Variants in DIP2A observed in about 807,000 individuals in gnomAD.
The protein encoded by DIP2A is DIP2 acetate--CoA ligase A.
Under a neutral mutation model 177.4 loss-of-function variants are expected in DIP2A, and 85 were observed. That is an observed-to-expected ratio of 0.48 (90% confidence interval 0.40 to 0.57). The LOEUF (loss-of-function observed/expected upper bound fraction) is 0.57, where lower values mean the gene tolerates loss of function less well. DIP2A is among the 20% of genes least tolerant of loss of function. The pLI is 0.00. For synonymous variants in DIP2A, 886 were observed against 881.8 expected (o/e 1.00, Z -0.08); for missense variants, 1,791 against 2,100.2 (o/e 0.85, Z 2.88).
chr21:46,465,303 C>T (rs1473534620), intron 1 of DIP2A, among the ~76,000 whole-genome samples: 1 of 152,130 alleles, frequency 6.6e-6, no homozygotes, highest in East Asian at 1.9e-4. Context: ...CATGGTGGCT[C>T]ACTCCTGTAA....
chr21:46,475,741 G>T (rs943419086), intron 1 of DIP2A, among the ~76,000 whole-genome samples: 1 of 151,804 alleles, frequency 6.6e-6, no homozygotes, highest in African/African-American at 2.4e-5. Flanking sequence ...AACCATTATA[G>T]AGAGAGATGA....
Position 46,561,796 on chromosome 21 carries a change from G to A in DIP2A, c.4080G>A (p.Glu1360=), listed in dbSNP as rs746956821. ...RGSPHSLPLM[E]SGKILPGVKV... ...CTCCGCACAGCCTGCCATTGATGGA[G>A]TCTGGAAAGGTAGTGGAAACCAAGA... The change falls in exon 34 of 38, where the codon GAG becomes GAA. Residue 1360 remains glutamate (E), a synonymous_variant. Coordinates refer to ENST00000417564, the MANE Select transcript of DIP2A (RefSeq NM_015151.4). 3 of 1,613,958 alleles carry A rather than the reference G, an allele frequency of 1.9e-6. No homozygotes were observed. Among genetic ancestry groups the A allele is most frequent in the Admixed American group, 3.3e-5 (2 of 60,024 alleles).
At chr21:46,523,393 ATTTTTTTTTTTTTT>A (rs61370008) in intron 8 of DIP2A, among the ~76,000 whole-genome samples, 1 of 89,892 alleles carries the variant, frequency 1.1e-5, no homozygotes, top group South Asian at 4.3e-4. Flanking sequence ...CGCCTGGCTA[ATTTTTTTTTTTTTT>A]TTTTTTTTTT....
At chr21:46,504,853 A>G (rs2057890207) in intron 6 of DIP2A, among the ~76,000 whole-genome samples, 1 of 152,220 alleles carries the variant, frequency 6.6e-6, no homozygotes. Context: ...AGTCAGTGCG[A>G]GTGCACACAC....
chr21:46,485,990 G>T (rs554696481), intron 2 of DIP2A, among the ~76,000 whole-genome samples: 6 of 145,138 alleles, frequency 4.1e-5, no homozygotes, highest in African/African-American at 1.5e-4. Context: ...AGAATCACTT[G>T]AACCTGGGAG....
At chr21:46,492,946 GAA>G (rs75274340) in intron 3 of DIP2A, among the ~76,000 whole-genome samples, 1 of 147,130 alleles carries the variant, frequency 6.8e-6, no homozygotes, top group Non-Finnish European at 1.5e-5. Context: ...AAAAAAGGAA[GAA>G]AAAAAAAAGA....
chr21:46,565,743 G>A lies in DIP2A; in HGVS notation c.4195G>A (p.Gly1399Arg), dbSNP rs747845913. ...GGTAAGCAGCCCCCACAATGCCACC[G>A]GGTACTACACCGTTTACGGGGAGGA... The part of the protein sequence containing the change: ...IWVSSPHNAT[G>R]YYTVYGEEAL... Residue 1399 changes from glycine to arginine, a missense_variant, in exon 36 of 38, where the codon GGG becomes AGG. Physicochemically the swap from Gly to Arg is moderately radical, Grantham distance 125 (BLOSUM62 -2). Transcript: ENST00000417564. 29 of 1,613,794 alleles carry A rather than the reference G, an allele frequency of 1.8e-5. No individual in the cohort carries two copies. The highest frequency in any genetic ancestry group is 2.3e-5 in the Non-Finnish European group (27 of 1,179,864).
intron 6 of DIP2A, among the ~76,000 whole-genome samples, chr21:46,506,621 T>C (rs1264665591): frequency 6.6e-6 from 1 of 152,154 alleles, no homozygotes; most frequent in Non-Finnish European, 1.5e-5. Flanking sequence ...CGGCTGATGG[T>C]GTGTTGAACA....
chr21:46,549,287 A>C (rs1451945845), intron 21 of DIP2A, among the ~76,000 whole-genome samples: 1 of 152,234 alleles, frequency 6.6e-6, no homozygotes, highest in Non-Finnish European at 1.5e-5. Context: ...CAAAGATATC[A>C]ACTCAAAGTC....
intron 7 of DIP2A, among the ~76,000 whole-genome samples, chr21:46,510,740 C>T (rs1193844201): frequency 2.6e-5 from 4 of 151,470 alleles, no homozygotes; most frequent in Admixed American, 6.6e-5. Context: ...ACGCCATTCT[C>T]CTGCCTCAGC....
intron 1 of DIP2A, among the ~76,000 whole-genome samples, chr21:46,471,864 A>T (rs996792763): frequency 7.9e-5 from 12 of 152,234 alleles, no homozygotes; most frequent in Non-Finnish European, 1.8e-4. Context: ...AAAGAATAGA[A>T]ATCCTGTGTC....
chr21:46,472,589 A>G (rs2055488148), intron 1 of DIP2A, among the ~76,000 whole-genome samples: 1 of 152,204 alleles, frequency 6.6e-6, no homozygotes, highest in Admixed American at 6.5e-5. Context: ...AAGAGGGTGG[A>G]GAAGGAGGAG....
rs1359037983 is a variant in DIP2A, at chr21:46,566,854, T to C, written c.4463+171T>C. ...CTGGGTGCCATGTAGATGAGCCCTATCTACCTTGGGCATTGCCAGAGAGGG... is the reference window on the plus strand; with the variant it reads ...CTGGGTGCCATGTAGATGAGCCCTACCTACCTTGGGCATTGCCAGAGAGGG... On this transcript the variant is annotated intron_variant, in intron 37 of 37. Transcript: ENST00000417564. 3.9e-5 allele frequency among the ~76,000 whole-genome samples: 6 copies of C among 152,228 alleles called. No individual in the cohort carries two copies. The East Asian group carries it at 1.2e-3, about 29-fold the overall frequency.
intron 1 of DIP2A, among the ~76,000 whole-genome samples, chr21:46,460,365 A>G (rs1373154254): frequency 1.3e-5 from 2 of 152,230 alleles, no homozygotes; most frequent in Non-Finnish European, 1.5e-5. Context: ...CTCCAGTGTC[A>G]GAAAGGACTT....
At position 46,550,538 on chromosome 21, in the gene DIP2A, T is replaced by TTC; in HGVS notation, c.2638-4_2638-3dup. The TTC allele has an allele frequency of 6.2e-7, 1 of 1,611,098 alleles. No individual in the cohort carries two copies. Among genetic ancestry groups the TTC allele is most frequent in the South Asian group, 1.1e-5 (1 of 90,306 alleles). ...CCTGTGCCAAACAGGGTCCTTCCCT[T>TTC]TCAGGCCATTGATAGCATCCACCAG... On this transcript the variant is annotated splice_polypyrimidine_tract_variant and splice_region_variant and intron_variant, in intron 22 of 37. Coordinates refer to ENST00000417564, the MANE Select transcript of DIP2A (RefSeq NM_015151.4).
intron 1 of DIP2A, among the ~76,000 whole-genome samples, chr21:46,471,441 T>C (rs774177152): frequency 6.6e-5 from 10 of 152,218 alleles, no homozygotes; most frequent in Non-Finnish European, 1.2e-4. Context: ...CCTCCCGCAT[T>C]ATCAGCATCC....
chr21:46,510,890 C>T (rs1327809635), intron 7 of DIP2A, among the ~76,000 whole-genome samples: 1 of 152,178 alleles, frequency 6.6e-6, no homozygotes, highest in Non-Finnish European at 1.5e-5. Flanking sequence ...GCCTCGGCCT[C>T]CCAAAGTGCT....
rs1004905696 is a variant in DIP2A at position 46,537,103 on chromosome 21, G to A, written c.1643-121G>A. 1 of 896,180 alleles carries A rather than the reference G, an allele frequency of 1.1e-6. No homozygotes were observed. Among genetic ancestry groups the A allele is most frequent in the Non-Finnish European group, 1.9e-6 (1 of 532,218 alleles). 55.5% of individuals were successfully genotyped at this position (896,180 alleles called of 1,614,324 possible). ...TAATTGGTATGTGGTATTTGGAAAT[G>A]CTGTATCTGTTCCTGAAACTTACAT... On this transcript the variant is annotated intron_variant, in intron 13 of 37. Coordinates refer to ENST00000417564, the MANE Select transcript of DIP2A (RefSeq NM_015151.4). This position sits in a 1 kb window ranked among gnomAD's most constrained non-coding sequence, Gnocchi z 4.1.
chr21:46,503,762 G>C (rs1263337159), intron 5 of DIP2A, among the ~76,000 whole-genome samples: 1 of 148,606 alleles, frequency 6.7e-6, no homozygotes, highest in Non-Finnish European at 1.5e-5. Flanking sequence ...GTGTCGCTCT[G>C]TTGCCCAAGT....
Sources: allele counts gnomAD v4.1 joint callset (sites outside exome capture counted in the v4.1 genomes callset), GRCh38; gene constraint gnomAD v4.1.1; non-coding constraint Gnocchi (gnomAD v3.1); transcripts MANE v1.5; gene names NCBI Gene and HGNC (gene_info 2026-07-23, HGNC 2026-07-21).